TRPC5: variants seen among roughly 807,000 people sequenced by gnomAD.
TRPC5 encodes short transient receptor potential channel 5.
Under a neutral mutation model 56.5 loss-of-function variants are expected in TRPC5, and 9 were observed. That is an observed-to-expected ratio of 0.16 (90% CI 0.10 to 0.28). The LOEUF (loss-of-function observed/expected upper bound fraction) is 0.28, where lower values mean the gene tolerates loss of function less well. Among genes scored for constraint, TRPC5 ranks in the 10% least tolerant of loss-of-function variants. The pLI is 1.00. For missense variants in TRPC5, 469 were observed against 748.9 expected (o/e 0.63, Z 4.36); for synonymous variants, 282 against 278.5 (o/e 1.01, Z -0.13).
At chrX:112,049,322 C>T (rs770926129) in intron 1 of TRPC5, among the ~76,000 whole-genome samples, 1 of 108,711 alleles carries the variant, frequency 9.2e-6, no homozygotes, top group East Asian at 2.9e-4. Flanking sequence ...CTTATGCTGC[C>T]CTGCCCTCCA....
chrX:111,822,805 A>AT (rs1569525862), intron 7 of TRPC5, among the ~76,000 whole-genome samples: 3 of 111,556 alleles, frequency 2.7e-5, no homozygotes, highest in Non-Finnish European at 5.6e-5. Context: ...AGATGGGGAG[A>AT]GGTATTTTTT....
chrX:111,941,478 T>C (rs1431959576), intron 2 of TRPC5, among the ~76,000 whole-genome samples: 1 of 112,023 alleles, frequency 8.9e-6, no homozygotes, highest in Non-Finnish European at 1.9e-5. Context: ...ATTGTGGTGG[T>C]GTGGCTTTGC....
At chrX:111,857,390 G>A (rs1923271051) in intron 3 of TRPC5, among the ~76,000 whole-genome samples, 1 of 111,592 alleles carries the variant, frequency 9.0e-6, no homozygotes, top group African/African-American at 3.3e-5. Context: ...GATGGGGTGT[G>A]GGAGGTAAAG....
intron 3 of TRPC5, among the ~76,000 whole-genome samples, chrX:111,904,472 T>C (rs1297932963): frequency 1.8e-5 from 2 of 111,834 alleles, no homozygotes; most frequent in African/African-American, 6.5e-5. Context: ...AACAAGATCA[T>C]GTCCTTTACA....
chrX:111,797,826 G>T (rs1667943923), intron 7 of TRPC5, among the ~76,000 whole-genome samples: 1 of 111,104 alleles, frequency 9.0e-6, no homozygotes, highest in African/African-American at 3.3e-5. Context: ...TTTAGCAACA[G>T]CTTTATTGAG....
At position 112,005,489 on chromosome X, in the gene TRPC5, A is replaced by G. The variant is rs780656363; in HGVS notation, c.-21-53048T>C. Reference sequence around the variant, plus strand: ...AAAAAAAAAAAAAAAAAAATATCTTACCAACTCCAGGGTCCCTCTCCCAGA... The same window carrying G: ...AAAAAAAAAAAAAAAAAAATATCTTGCCAACTCCAGGGTCCCTCTCCCAGA... On this transcript the variant is annotated intron_variant, in intron 1 of 10. Transcript: ENST00000262839. Among the ~76,000 whole-genome samples, 3 of 108,809 alleles carry G rather than the reference A, an allele frequency of 2.8e-5. No individual in the cohort carries two copies. The South Asian group carries it at 1.2e-3, about 44-fold the overall frequency. 94.5% of individuals were successfully genotyped at this position (108,809 alleles called of 115,157 possible). A position where few individuals can be genotyped will look rare whatever the true frequency, so the allele number is the denominator to read the frequency against.
At chrX:111,880,601 A>G (rs1924163571) in intron 3 of TRPC5, among the ~76,000 whole-genome samples, 1 of 112,471 alleles carries the variant, frequency 8.9e-6, no homozygotes, top group African/African-American at 3.2e-5. Context: ...GTACAGGCCT[A>G]TGTAAGTTTA....
Position 111,826,015 on chromosome X carries a change from T to C in TRPC5, c.1896+8906A>G, listed in dbSNP as rs142803144. 4.5e-3 allele frequency among the ~76,000 whole-genome samples: 510 copies of C among 112,204 alleles called. 3 individuals are homozygous for C. Among genetic ancestry groups the C allele is most frequent in the African/African-American group, 0.016 (490 of 30,913 alleles). ...ACAAGAAACAGGCAGGGAATAGACC[T>C]GAGAGTAAGCAGCAAATGAAAAGCC... On this transcript the variant is annotated intron_variant, in intron 7 of 10. Transcript: ENST00000262839.
chrX:112,034,461 C>T (rs1249287180), intron 1 of TRPC5, among the ~76,000 whole-genome samples: 1 of 110,185 alleles, frequency 9.1e-6, no homozygotes, highest in Non-Finnish European at 1.9e-5. Context: ...TGTACAGAAA[C>T]ACAACTGATT....
chrX:111,951,090 A>G (rs767665192), intron 2 of TRPC5, among the ~76,000 whole-genome samples: 1 of 111,795 alleles, frequency 8.9e-6, no homozygotes, highest in South Asian at 3.8e-4. Flanking sequence ...AGAGGGGAAC[A>G]TGCTAGAGAC....
chrX:111,881,146 G>GTTTATTTTATTTTATTTTAT lies in TRPC5; in HGVS notation c.901-27060_901-27041dup, dbSNP rs747702186. ...TGCTGTTGTTTTGTGATTTTCTTTT[G>GTTTATTTTATTTTATTTTAT]TTTATTTTATTTTATTTTATTTTAT... On this transcript the variant is annotated intron_variant, in intron 3 of 10. Coordinates refer to ENST00000262839, the MANE Select transcript of TRPC5 (RefSeq NM_012471.3). Among the ~76,000 whole-genome samples, 880 of 101,136 alleles carry GTTTATTTTATTTTATTTTAT rather than the reference G, an allele frequency of 8.7e-3. 32 individuals are homozygous for GTTTATTTTATTTTATTTTAT. The highest frequency in any genetic ancestry group is 0.035 in the African/African-American group (844 of 23,928). 87.8% of individuals were successfully genotyped at this position (101,136 alleles called of 115,157 possible). A position where few individuals can be genotyped will look rare whatever the true frequency, so the allele number is the denominator to read the frequency against.
In TRPC5 at chrX:111,776,153, C is replaced by T; in HGVS notation, c.*160G>A. 2.1e-6 allele frequency: 1 copy of T among 476,444 alleles called. No individual in the cohort carries two copies. The highest frequency in any genetic ancestry group is 3.3e-6 in the Non-Finnish European group (1 of 304,868). 39.3% of individuals were successfully genotyped at this position (476,444 alleles called of 1,213,427 possible). ...AATGAAAGTAATAATAAAACAAGAACAAAAATGGAGAATGTGGCTATAAAA... is the reference window on the plus strand; with the variant it reads ...AATGAAAGTAATAATAAAACAAGAATAAAAATGGAGAATGTGGCTATAAAA... On this transcript the variant is annotated 3_prime_UTR_variant, in exon 11 of 11. Transcript: ENST00000262839.
At position 111,776,710 on chromosome X, in the gene TRPC5, A is replaced by G; in HGVS notation, c.2525T>C (p.Leu842Pro). The G allele has an allele frequency of 8.3e-7, 1 of 1,211,770 alleles. No homozygotes were observed. Among genetic ancestry groups the G allele is most frequent in the Non-Finnish European group, 1.1e-6 (1 of 895,502 alleles). The change falls in exon 11 of 11, where the codon CTC (leucine) becomes CCC (proline). Residue 842 changes from leucine (L) to proline (P), a missense_variant. This residue lies in a region of TRPC5 where 194 missense variants were observed against 221.8 expected (regional missense o/e 0.87). Coordinates refer to ENST00000262839, the MANE Select transcript of TRPC5 (RefSeq NM_012471.3). ...SSKRSFMGPS[L>P]KKLGLLFSKF... is the part of the protein sequence containing the mutation. ...GGAGAATAGGAGACCCAGTTTCTTG[A>G]GAGAAGGACCCATGAAGGAGCGTTT...
chrX:111,825,218 T>C (rs866822328), intron 7 of TRPC5, among the ~76,000 whole-genome samples: 5 of 76,263 alleles, frequency 6.6e-5, no homozygotes, highest in East Asian at 4.1e-4. Flanking sequence ...TTTCTTTCTT[T>C]CTTCTTTCTT....
At chrX:112,055,689 G>T (rs192157389) in intron 1 of TRPC5, among the ~76,000 whole-genome samples, 2 of 108,185 alleles carry the variant, frequency 1.8e-5, no homozygotes, top group African/African-American at 6.7e-5. Context: ...TGTGTTAAAG[G>T]AATTTTGTGT....
chrX:111,967,716 A>G (rs1488719000), intron 1 of TRPC5, among the ~76,000 whole-genome samples: 2 of 111,521 alleles, frequency 1.8e-5, no homozygotes, highest in Non-Finnish European at 3.8e-5. Flanking sequence ...AAAACAAGCA[A>G]TGGGGAAAGG....
chrX:111,933,113 T>C (rs1926467025), intron 2 of TRPC5, among the ~76,000 whole-genome samples: 2 of 112,387 alleles, frequency 1.8e-5, no homozygotes, highest in Admixed American at 1.9e-4. Context: ...TTTTGGATGA[T>C]GTAGCATACA....
At chrX:111,891,783 G>A (rs1035697659) in intron 3 of TRPC5, among the ~76,000 whole-genome samples, 11 of 111,356 alleles carry the variant, frequency 9.9e-5, no homozygotes, top group African/African-American at 2.9e-4. Context: ...TCCTGATCTC[G>A]TGATCTGCCT....
chrX:112,071,568 G>A (rs1268621172), intron 1 of TRPC5, among the ~76,000 whole-genome samples: 1 of 111,575 alleles, frequency 9.0e-6, no homozygotes, highest in Non-Finnish European at 1.9e-5. Context: ...TGTGCCATAT[G>A]CTCTCTGTTG....
Sources: gnomAD v4.1 joint callset for allele counts (sites outside exome capture counted in the v4.1 genomes callset) on GRCh38, gnomAD v4.1.1 for gene constraint, gnomAD v4.1.1 regional missense constraint, MANE v1.5 for transcripts, NCBI Gene and HGNC (gene_info 2026-07-23, HGNC 2026-07-21) for gene names.